FRMPD4: variants seen among roughly 807,000 people sequenced by gnomAD.
FRMPD4 encodes the protein FERM and PDZ domain-containing protein 4.
In FRMPD4, 22 loss-of-function variants were observed where a neutral mutation model predicts 94.1. That is an observed-to-expected ratio of 0.23 (90% CI 0.17 to 0.33). The LOEUF is 0.33. Ranked by LOEUF, FRMPD4 falls within the 10% of genes least tolerant of loss-of-function variation. The pLI is 1.00. For missense variants in FRMPD4, 1,111 were observed against 1,339.9 expected (o/e 0.83, Z 2.67); for synonymous variants, 631 against 548.6 (o/e 1.15, Z -2.10).
At chrX:12,382,351 G>T (rs938605816) in intron 1 of FRMPD4, among the ~76,000 whole-genome samples, 1 of 111,287 alleles carries the variant, frequency 9.0e-6, no homozygotes, top group East Asian at 2.8e-4. Context: ...GATACTGGCA[G>T]GGCTGGGAAG....
chrX:12,574,370 A>C (rs2058788599), intron 2 of FRMPD4, among the ~76,000 whole-genome samples: 1 of 112,491 alleles, frequency 8.9e-6, no homozygotes, highest in Non-Finnish European at 1.9e-5. Flanking sequence ...AACATGGTAA[A>C]TATCAATGGA....
rs146942283 is a variant in FRMPD4, at chrX:12,687,162, C to G, written c.681+958C>G. 1.6e-3 allele frequency among the ~76,000 whole-genome samples: 184 copies of G among 111,767 alleles called. 1 individual carries two copies. The highest frequency in any genetic ancestry group is 2.2e-3 in the Non-Finnish European group (119 of 53,127). On this transcript the variant is annotated intron_variant, in intron 7 of 16. Transcript: ENST00000675598. ...CATTCACTGTGTATTCTTATTGTCA[C>G]GATACCAGCAAGCAGCTCGTTTTGA...
chrX:11,863,054 T>C (rs2147299120), intron 1 of FRMPD4, among the ~76,000 whole-genome samples: 1 of 106,636 alleles, frequency 9.4e-6, no homozygotes, highest in East Asian at 3.0e-4. Flanking sequence ...TGCAGGTTTG[T>C]TACATATGTA....
At chrX:12,341,517 T>C (rs2055613782) in intron 1 of FRMPD4, 1 of 273,628 alleles carries the variant, frequency 3.7e-6, no homozygotes, top group Admixed American at 3.6e-5. Context: ...ATACACCATT[T>C]ACTGAGTGTT....
intron 3 of FRMPD4, among the ~76,000 whole-genome samples, chrX:11,888,251 G>A (rs182006218): frequency 1.8e-4 from 20 of 111,629 alleles, no homozygotes; most frequent in African/African-American, 4.9e-4. Context: ...GTTTATTTCC[G>A]AAATTCTACT....
intron 2 of FRMPD4, among the ~76,000 whole-genome samples, chrX:12,553,466 A>ATATATATCTC (rs368999462): frequency 2.6e-5 from 2 of 78,095 alleles, no homozygotes; most frequent in African/African-American, 1.1e-4. Flanking sequence ...ATATATATAT[A>ATATATATCTC]TCTAATCCAC....
chrX:12,291,506 C>G (rs1263376956), intron 1 of FRMPD4, among the ~76,000 whole-genome samples: 1 of 112,001 alleles, frequency 8.9e-6, no homozygotes. Context: ...GATTCTCTCC[C>G]CATCTCCTTA....
At chrX:12,341,302 A>C (rs935012908) in intron 1 of FRMPD4, among the ~76,000 whole-genome samples, 1 of 110,746 alleles carries the variant, frequency 9.0e-6, no homozygotes, top group African/African-American at 3.4e-5. Flanking sequence ...GCAATGATGC[A>C]TAGGAAGACA....
At chrX:12,526,859 A>G (rs1464666365) in intron 2 of FRMPD4, among the ~76,000 whole-genome samples, 1 of 112,454 alleles carries the variant, frequency 8.9e-6, no homozygotes, top group Non-Finnish European at 1.9e-5. Flanking sequence ...CAGTGTACAT[A>G]TCAACGAGAA....
chrX:11,971,172 A>G (rs1355352697), intron 3 of FRMPD4, among the ~76,000 whole-genome samples: 2 of 111,283 alleles, frequency 1.8e-5, no homozygotes, highest in East Asian at 5.6e-4. Context: ...TGCCATCCTT[A>G]CTCTAAAATT....
At chrX:12,271,345 C>T (rs1425196909) in intron 1 of FRMPD4, among the ~76,000 whole-genome samples, 1 of 112,252 alleles carries the variant, frequency 8.9e-6, no homozygotes, top group Non-Finnish European at 1.9e-5. Flanking sequence ...ATATCTTCCC[C>T]ACCCCACAGT....
chrX:12,135,202 TAAG>T (rs918291426), upstream of FRMPD4, among the ~76,000 whole-genome samples: 30 of 111,592 alleles, frequency 2.7e-4, no homozygotes, highest in African/African-American at 9.5e-4. Context: ...TCCAGGTTAA[TAAG>T]AAAACTTCAG....
At chrX:12,490,187 C>G (rs1358343509) in intron 1 of FRMPD4, among the ~76,000 whole-genome samples, 1 of 110,742 alleles carries the variant, frequency 9.0e-6, no homozygotes, top group Admixed American at 9.6e-5. Context: ...GCAAAATTTA[C>G]CTCTCACAGT....
intron 3 of FRMPD4, among the ~76,000 whole-genome samples, chrX:11,898,322 C>A (rs1213259391): frequency 8.9e-6 from 1 of 111,795 alleles, no homozygotes; most frequent in East Asian, 2.8e-4. Context: ...GGAAAGCAGG[C>A]ACTCACTTGG....
intron 3 of FRMPD4, among the ~76,000 whole-genome samples, chrX:11,879,121 T>C (rs1194796906): frequency 8.9e-6 from 1 of 112,281 alleles, no homozygotes; most frequent in Admixed American, 9.4e-5. Flanking sequence ...GATTTAGAAA[T>C]TGATGTTATT....
intron 3 of FRMPD4, among the ~76,000 whole-genome samples, chrX:11,929,820 AC>A (rs770639266): frequency 9.0e-6 from 1 of 110,963 alleles, no homozygotes; most frequent in South Asian, 3.9e-4. Context: ...TCAAAAGAGC[AC>A]CATCAGCCGG....
intron 1 of FRMPD4, among the ~76,000 whole-genome samples, chrX:12,301,884 C>T (rs1326026716): frequency 8.9e-6 from 1 of 111,788 alleles, no homozygotes; most frequent in East Asian, 2.8e-4. Flanking sequence ...AATGAGTCAC[C>T]TTCATCATGG....
At chrX:12,553,165 A>AAAGT (rs1569332531) in intron 2 of FRMPD4, among the ~76,000 whole-genome samples, 1 of 64,291 alleles carries the variant, frequency 1.6e-5, no homozygotes, top group Non-Finnish European at 3.4e-5. Context: ...GAAAGTAAGT[A>AAAGT]AAGTAAGAAA....
chrX:12,720,536 T>C lies in FRMPD4; in HGVS notation c.3967T>C (p.Leu1323=), dbSNP rs748934844. 5.4e-5 allele frequency: 65 copies of C among 1,205,621 alleles called. No individual in the cohort carries two copies. The highest frequency in any genetic ancestry group is 6.8e-5 in the Non-Finnish European group (61 of 892,551). ...RLPKIKETTA[L]TEPGKERRGG... is the part of the protein sequence containing the mutation. ...TTTTTCTACTACCCCTAGTGTAGCT[T>C]TGACAGAGCCTGGGAAGGAGAGACG... The change falls in exon 17 of 17, where the codon TTG becomes CTG. Residue 1323 remains leucine (L), a splice_region_variant and synonymous_variant. Transcript: ENST00000675598.
Sources: gnomAD v4.1 joint callset for allele counts (sites outside exome capture counted in the v4.1 genomes callset) on GRCh38, gnomAD v4.1.1 for gene constraint, MANE v1.5 for transcripts, NCBI Gene and HGNC (gene_info 2026-07-23, HGNC 2026-07-21) for gene names.